MYL2: variants seen among roughly 807,000 people sequenced by gnomAD.
MYL2 encodes myosin light chain 2.
In MYL2, 19 loss-of-function variants were observed where a neutral mutation model predicts 23.0. That is an observed-to-expected ratio of 0.83 (90% CI 0.58 to 1.21). The LOEUF (loss-of-function observed/expected upper bound fraction) is 1.21, where lower values mean the gene tolerates loss of function less well. Among genes scored for constraint, MYL2 ranks in the 50% most tolerant of loss-of-function variants. The pLI is 0.00. For missense variants in MYL2, 180 were observed against 215.1 expected (o/e 0.84, Z 1.02); for synonymous variants, 78 against 76.2 (o/e 1.02, Z -0.13).
chr12:110,916,442 T>C (rs1026587272), intron 2 of MYL2, among the ~76,000 whole-genome samples: 2 of 152,204 alleles, frequency 1.3e-5, no homozygotes, highest in African/African-American at 2.4e-5. Flanking sequence ...AACTGATGAA[T>C]GGATAAACCA....
At chr12:110,913,395 C>T in intron 4 of MYL2, 71 bp from the exon 5 acceptor site, 1 of 1,511,956 alleles carries the variant, frequency 6.6e-7, no homozygotes, top group Non-Finnish European at 9.2e-7. Context: ...GCAGCAGGGC[C>T]CAAGTTCCCC....
rs1481450687 is a variant in MYL2, at chr12:110,914,982, C to T, written c.170-692G>A. Among the ~76,000 whole-genome samples, 3 of 152,230 alleles carry T rather than the reference C, an allele frequency of 2.0e-5. No homozygotes were observed. In the East Asian group the frequency reaches 5.8e-4, roughly 29 times the overall value. On this transcript the variant is annotated intron_variant, in intron 3 of 6. Coordinates refer to ENST00000228841, the MANE Select transcript of MYL2 (RefSeq NM_000432.4). ...CCTGAGGGAACTTTTACAAGTTAAA[C>T]CTGCTGTAACCCACAGCCGTGGAGG...
rs115589871 is a variant in MYL2, at chr12:110,919,834, T to C, written c.4-641A>G. ...AGCAAATGATTCGGTACTCTACATA[T>C]GTATTATTTAATTCTCATAACCACT... On this transcript the variant is annotated intron_variant, in intron 1 of 6. Coordinates refer to ENST00000228841, the MANE Select transcript of MYL2 (RefSeq NM_000432.4). Among the ~76,000 whole-genome samples the C allele has an allele frequency of 5.2e-3, 790 of 152,330 alleles. 11 individuals carry two copies. The highest frequency in any genetic ancestry group is 0.018 in the African/African-American group (742 of 41,566).
In MYL2 at chr12:110,911,008, C is replaced by T. The variant is rs924763051; in HGVS notation, c.*69G>A. The stretch of plus-strand genomic sequence containing the variant: ...ACAAGGTAGGGACAGAGGCGGTACT[C>T]GGGGGAGAGAGATGAGGGCAGGGAC... On this transcript the variant is annotated 3_prime_UTR_variant, in exon 7 of 7. Coordinates refer to ENST00000228841, the MANE Select transcript of MYL2 (RefSeq NM_000432.4). The T allele has an allele frequency of 5.9e-6, 8 of 1,365,014 alleles. No homozygotes were observed. The highest frequency in any genetic ancestry group is 8.4e-6 in the Non-Finnish European group (8 of 953,904). The allele number at this position is 1,365,014 out of a possible 1,614,324, so 84.6% of individuals were successfully genotyped here.
chr12:110,916,029 T>G (rs1280549628), intron 2 of MYL2, among the ~76,000 whole-genome samples: 1 of 152,180 alleles, frequency 6.6e-6, no homozygotes, highest in Non-Finnish European at 1.5e-5. Context: ...ATTGAAAACA[T>G]GTCCACATAA....
At position 110,911,007 on chromosome 12, in the gene MYL2, T is replaced by C; in HGVS notation, c.*70A>G. Reference sequence around the variant, plus strand: ...GACAAGGTAGGGACAGAGGCGGTACTCGGGGGAGAGAGATGAGGGCAGGGA... The same window carrying C: ...GACAAGGTAGGGACAGAGGCGGTACCCGGGGGAGAGAGATGAGGGCAGGGA... On this transcript the variant is annotated 3_prime_UTR_variant, in exon 7 of 7. Transcript: ENST00000228841. 1.5e-6 allele frequency: 2 copies of C among 1,355,218 alleles called. No homozygotes were observed. The highest frequency in any genetic ancestry group is 1.7e-5 in the Admixed American group (1 of 59,640). The allele number at this position is 1,355,218 out of a possible 1,614,324, so 83.9% of individuals were successfully genotyped here. A position where few individuals can be genotyped will look rare whatever the true frequency, so the allele number is the denominator to read the frequency against.
Position 110,911,146 on chromosome 12 carries a change from AG to A in MYL2, c.431del (p.Pro144LeufsTer3), listed in dbSNP as rs786205430. Reference sequence around the variant, plus strand: ...TGTAGTCCAAGTTGCCAGTCACGTCAGGGGGGAAGGCGGCGAACATCTGGTC... The same window carrying A: ...TGTAGTCCAAGTTGCCAGTCACGTCAGGGGGAAGGCGGCGAACATCTGGTC... ...EVDQMFAAFPPDVTGNLDYKN... is the reference protein window; with the variant it reads ...EVDQMFAAFPXDVTGNLDYKN... On this transcript the variant is annotated frameshift_variant, in exon 7 of 7. Coordinates refer to ENST00000228841, the MANE Select transcript of MYL2 (RefSeq NM_000432.4). LOFTEE classifies it high-confidence loss of function. 2.3e-5 allele frequency: 35 copies of A among 1,544,916 alleles called. No homozygotes were observed. The highest frequency in any genetic ancestry group is 3.1e-5 in the Non-Finnish European group (35 of 1,137,512).
chr12:110,919,918 A>G (rs1185000137), intron 1 of MYL2, among the ~76,000 whole-genome samples: 1 of 152,220 alleles, frequency 6.6e-6, no homozygotes, highest in Non-Finnish European at 1.5e-5. Context: ...ACTGAGGCTC[A>G]GAGAGGTTGG....
chr12:110,920,473 G>T, intron 1 of MYL2, 54 bp downstream of exon 1: 1 of 1,613,614 alleles, frequency 6.2e-7, no homozygotes. Context: ...GCTTGTAGTG[G>T]CTTCCTCTCC....
chr12:110,911,244 G>C (rs1394680551), intron 6 of MYL2, 69 bp from the exon 7 acceptor site: 1 of 554,510 alleles, frequency 1.8e-6, no homozygotes, highest in Non-Finnish European at 3.2e-6. Context: ...GGGGGGCTGT[G>C]GGCGGGGCCT....
At chr12:110,916,093 T>G (rs1304669977) in intron 2 of MYL2, among the ~76,000 whole-genome samples, 1 of 152,216 alleles carries the variant, frequency 6.6e-6, no homozygotes, top group African/African-American at 2.4e-5. Context: ...CCCAGCACTT[T>G]GGGAGGCCTA....
chr12:110,920,273 G>C (rs112310813), intron 1 of MYL2, among the ~76,000 whole-genome samples: 1 of 151,742 alleles, frequency 6.6e-6, no homozygotes, highest in Non-Finnish European at 1.5e-5. Context: ...TCCTCGAGAG[G>C]TCAGTAGACA....
chr12:110,912,744 T>C (rs2071661979), intron 6 of MYL2, among the ~76,000 whole-genome samples: 1 of 152,200 alleles, frequency 6.6e-6, no homozygotes, highest in Admixed American at 6.5e-5. Context: ...TTTGTATTTT[T>C]AGTAGAGACA....
upstream of MYL2, chr12:110,920,841 C>T (rs778416201): frequency 7.9e-5 from 41 of 519,972 alleles, no homozygotes; most frequent in Non-Finnish European, 1.2e-4. Context: ...GGGCCGGGGA[C>T]ACTTGTGCTT....
intron 6 of MYL2, among the ~76,000 whole-genome samples, chr12:110,912,072 C>T (rs2071656403): frequency 6.6e-6 from 1 of 152,126 alleles, no homozygotes; most frequent in Admixed American, 6.5e-5. Flanking sequence ...TGAAGGCAGC[C>T]CTTTTAGCTG....
chr12:110,914,234 G>T lies in MYL2; in HGVS notation c.226C>A (p.Pro76Thr), dbSNP rs1193986376. 1 of 1,613,878 alleles carries T rather than the reference G, an allele frequency of 6.2e-7. No homozygotes were observed. The highest frequency in any genetic ancestry group is 2.2e-5 in the East Asian group (1 of 44,884). ...IDEMIKEAPG[P>T]INFTVFLTMF... ...GTGAGGAACACAGTAAAGTTAATTG[G>T]ACCCGGAGCCTCCTTGATCATTTCA... The change falls in exon 4 of 7, where the codon CCA becomes ACA. Residue 76 changes from proline to threonine, a missense_variant. Coordinates refer to ENST00000228841, the MANE Select transcript of MYL2 (RefSeq NM_000432.4).
intron 1 of MYL2, among the ~76,000 whole-genome samples, chr12:110,919,728 G>A (rs1380878265): frequency 2.0e-5 from 3 of 152,102 alleles, no homozygotes; most frequent in East Asian, 1.9e-4. Flanking sequence ...TGAATGCTCC[G>A]TCCTTGCACC....
In MYL2 at chr12:110,914,634, T is replaced by C. The variant is rs565540938; in HGVS notation, c.170-344A>G. ...CCCAGGTTCAAGCGATTCTCGTGCC[T>C]CAGCCTCCCAAGTAGCTGGGATTGC... On this transcript the variant is annotated intron_variant, in intron 3 of 6. Coordinates refer to ENST00000228841, the MANE Select transcript of MYL2 (RefSeq NM_000432.4). 1.0e-3 allele frequency among the ~76,000 whole-genome samples: 155 copies of C among 152,322 alleles called. 1 individual carries two copies. The highest frequency in any genetic ancestry group is 3.6e-3 in the African/African-American group (151 of 41,574).
rs2071645337 is a variant in MYL2, at chr12:110,910,954, G to A, written c.*123C>T. The A allele has an allele frequency of 1.1e-6, 1 of 920,112 alleles. No individual in the cohort carries two copies. Among genetic ancestry groups the A allele is most frequent in the Non-Finnish European group, 1.8e-6 (1 of 561,752 alleles). The allele number at this position is 920,112 out of a possible 1,614,324, so 57.0% of individuals were successfully genotyped here. A position where few individuals can be genotyped will look rare whatever the true frequency, so the allele number is the denominator to read the frequency against. ...CCAGGCTGCAAAGAAGATGGAGGTGGATAAATGGGGCAGCCACATGGCTAA... is the reference window on the plus strand; with the variant it reads ...CCAGGCTGCAAAGAAGATGGAGGTGAATAAATGGGGCAGCCACATGGCTAA... On this transcript the variant is annotated 3_prime_UTR_variant, in exon 7 of 7. Coordinates refer to ENST00000228841, the MANE Select transcript of MYL2 (RefSeq NM_000432.4).
Sources: allele counts gnomAD v4.1 joint callset (sites outside exome capture counted in the v4.1 genomes callset), GRCh38; gene constraint gnomAD v4.1.1; transcripts MANE v1.5; gene names NCBI Gene and HGNC (gene_info 2026-07-23, HGNC 2026-07-21).